Variants in DAB2IP observed in about 807,000 individuals in gnomAD.
DAB2IP encodes the protein disabled homolog 2-interacting protein.
Under a neutral mutation model 107.2 loss-of-function variants are expected in DAB2IP, and 28 were observed. The ratio of observed to expected loss-of-function variants is 0.26; its 90% CI spans 0.19 to 0.36. DAB2IP has a LOEUF of 0.36. Among genes scored for constraint, DAB2IP ranks in the 10% least tolerant of loss-of-function variants. DAB2IP has a pLI of 1.00. For synonymous variants in DAB2IP, 755 were observed against 706.4 expected, an observed-to-expected ratio of 1.07 and a Z score of -1.09; for missense variants, 1,400 against 1,644.7, an observed-to-expected ratio of 0.85 and a Z score of 2.57.
chr9:121,587,826 T>TA (rs1018280117), intron 1 of DAB2IP, among the ~76,000 whole-genome samples: 17 of 152,128 alleles, frequency 1.1e-4, no homozygotes, highest in African/African-American at 4.1e-4. Flanking sequence ...CAAAAGGGGA[T>TA]AAAAAATGGG....
intron 1 of DAB2IP, among the ~76,000 whole-genome samples, chr9:121,567,600 G>A (rs904609327): frequency 3.3e-5 from 5 of 152,320 alleles, no homozygotes; most frequent in Admixed American, 2.0e-4. Context: ...CAATTAGTGC[G>A]ATCCTGCGGA....
intron 14 of DAB2IP, among the ~76,000 whole-genome samples, chr9:121,778,422 T>C (rs888596155): frequency 6.6e-6 from 1 of 152,358 alleles, no homozygotes; most frequent in African/African-American, 2.4e-5. Flanking sequence ...GGGTCTTGCT[T>C]TCGTCTAAAT....
intron 1 of DAB2IP, among the ~76,000 whole-genome samples, chr9:121,666,108 AT>A (rs1463866852): frequency 6.6e-6 from 1 of 152,066 alleles, no homozygotes; most frequent in Non-Finnish European, 1.5e-5. Context: ...AGAAGAATCC[AT>A]TTCCTTGCTT....
intron 1 of DAB2IP, among the ~76,000 whole-genome samples, chr9:121,640,268 T>C (rs1832234653): frequency 6.6e-6 from 1 of 151,890 alleles, no homozygotes; most frequent in Non-Finnish European, 1.5e-5. Flanking sequence ...CTGGGCTGGG[T>C]AGTGCGGATC....
At chr9:121,593,345 A>G (rs1029650939) in intron 1 of DAB2IP, among the ~76,000 whole-genome samples, 1 of 151,994 alleles carries the variant, frequency 6.6e-6, no homozygotes, top group Non-Finnish European at 1.5e-5. Context: ...ATGACTCACT[A>G]TAGCCTTGAC....
chr9:121,757,223 TCTC>T (rs1459138455), intron 4 of DAB2IP, 57 bp downstream of exon 4: 18 of 1,584,474 alleles, frequency 1.1e-5, no homozygotes, highest in Non-Finnish European at 1.5e-5. Context: ...GCCTGGCTGG[TCTC>T]CTCCAGACAT....
intron 2 of DAB2IP, among the ~76,000 whole-genome samples, chr9:121,691,907 G>T (rs1425150032): frequency 6.6e-6 from 1 of 152,230 alleles, no homozygotes; most frequent in African/African-American, 2.4e-5. Context: ...TCTTGCCAGG[G>T]AACAGAACTC....
intron 1 of DAB2IP, among the ~76,000 whole-genome samples, chr9:121,625,697 C>A (rs1421612457): frequency 6.9e-6 from 1 of 144,170 alleles, no homozygotes; most frequent in Non-Finnish European, 1.5e-5. Flanking sequence ...GATGCCAGTT[C>A]TGAACTGTTG....
intron 6 of DAB2IP, among the ~76,000 whole-genome samples, chr9:121,762,424 CT>C (rs1833963971): frequency 6.6e-6 from 1 of 152,146 alleles, no homozygotes; most frequent in Non-Finnish European, 1.5e-5. Flanking sequence ...GAATGAGACC[CT>C]GGAGGTCGCC....
Position 121,651,893 on chromosome 9 carries a change from GC to G in DAB2IP, c.120del (p.Arg41GlyfsTer84). The G allele has an allele frequency of 1.4e-6, 2 of 1,406,186 alleles. No individual in the cohort carries two copies. Among genetic ancestry groups the G allele is most frequent in the Non-Finnish European group, 1.9e-6 (2 of 1,073,572 alleles). The allele number at this position is 1,406,186 out of a possible 1,614,324, so 87.1% of individuals were successfully genotyped here. A position where few individuals can be genotyped will look rare whatever the true frequency, so the allele number is the denominator to read the frequency against. ...CCGCTCCCGCAGCCGGACCCGGCCT[GC>G]CAGGGGTAGGCGCCACCCCGACCCC... On this transcript the variant is annotated frameshift_variant, in exon 1 of 16. Coordinates refer to ENST00000408936, the Ensembl canonical transcript of DAB2IP. LOFTEE classifies it high-confidence loss of function. The surrounding 1 kb of genome is among the most constrained non-coding windows in gnomAD (Gnocchi z 5.1).
chr9:121,744,523 C>T (rs1487358016), intron 3 of DAB2IP, among the ~76,000 whole-genome samples: 1 of 152,192 alleles, frequency 6.6e-6, no homozygotes, highest in African/African-American at 2.4e-5. Context: ...AGTAGGTGTC[C>T]TCACTGTTTT....
At chr9:121,627,295 A>G (rs935243474) in intron 1 of DAB2IP, among the ~76,000 whole-genome samples, 5 of 151,890 alleles carry the variant, frequency 3.3e-5, no homozygotes, top group Non-Finnish European at 7.4e-5. Flanking sequence ...GAACGGTCAC[A>G]CAGGATTCCA....
At chr9:121,657,162 C>T (rs1833003516) in intron 1 of DAB2IP, among the ~76,000 whole-genome samples, 2 of 152,210 alleles carry the variant, frequency 1.3e-5, no homozygotes, top group Admixed American at 1.3e-4. Flanking sequence ...CATGCCCTTT[C>T]CCAGGGCATG....
At chr9:121,708,199 T>C (rs1354261424) in intron 3 of DAB2IP, among the ~76,000 whole-genome samples, 1 of 152,188 alleles carries the variant, frequency 6.6e-6, no homozygotes, top group South Asian at 2.1e-4. Flanking sequence ...TGATTTCTCA[T>C]AGCAAGAGGG....
chr9:121,774,457 C>T, intron 13 of DAB2IP, 45 bp downstream of exon 13: 1 of 1,533,952 alleles, frequency 6.5e-7, no homozygotes, highest in South Asian at 1.2e-5. Context: ...GGGCTGCCTC[C>T]CGGCAGCAGC....
chr9:121,666,867 AACACACACACACACACACAC>A (rs59290421), intron 1 of DAB2IP, among the ~76,000 whole-genome samples: 17 of 128,642 alleles, frequency 1.3e-4, no homozygotes, highest in Middle Eastern at 3.7e-3. Flanking sequence ...CCCCAGCCCC[AACACACACACACACACACAC>A]ACACACACAC....
chr9:121,756,291 T>A (rs1039265071), intron 3 of DAB2IP, among the ~76,000 whole-genome samples: 15 of 152,254 alleles, frequency 9.9e-5, no homozygotes, highest in Non-Finnish European at 1.6e-4. Context: ...CGGGCCCAGG[T>A]CTGGTCTGCG....
At chr9:121,693,964 G>A (rs1829289914) in intron 2 of DAB2IP, among the ~76,000 whole-genome samples, 1 of 152,174 alleles carries the variant, frequency 6.6e-6, no homozygotes, top group Non-Finnish European at 1.5e-5. Flanking sequence ...GTTCCCTAGG[G>A]GCTGCCTCCT....
chr9:121,761,364 C>T (rs374137588), intron 6 of DAB2IP, among the ~76,000 whole-genome samples: 6 of 152,356 alleles, frequency 3.9e-5, no homozygotes, highest in African/African-American at 1.4e-4. Context: ...GCCCTCTGGA[C>T]AGTGGCGTGT....
Sources: gnomAD v4.1 joint callset for allele counts (sites outside exome capture counted in the v4.1 genomes callset) on GRCh38, gnomAD v4.1.1 for gene constraint, Gnocchi (gnomAD v3.1) non-coding constraint, MANE v1.5 for transcripts, NCBI Gene and HGNC (gene_info 2026-07-23, HGNC 2026-07-21) for gene names.